Variants in CAMTA1 observed in about 807,000 individuals in gnomAD.
CAMTA1 encodes calmodulin-binding transcription activator 1.
Under a neutral mutation model 170.9 loss-of-function variants are expected in CAMTA1, and 27 were observed. The ratio of observed to expected loss-of-function variants is 0.16; its 90% CI spans 0.12 to 0.22. CAMTA1 has a LOEUF of 0.22. Ranked by LOEUF, CAMTA1 falls within the 10% of genes least tolerant of loss-of-function variation. The pLI, the probability that CAMTA1 is intolerant of heterozygous loss-of-function variation, is 1.00. For synonymous variants in CAMTA1, 833 were observed against 891.5 expected (o/e 0.93, Z 1.17); for missense variants, 1,619 against 2,217.2 (o/e 0.73, Z 5.42).
In CAMTA1 at chr1:7,633,890, G is replaced by A. The variant is rs2095689715; in HGVS notation, c.511-6510G>A. On this transcript the variant is annotated intron_variant, in intron 6 of 22. Transcript: ENST00000303635. The surrounding 1 kb of genome is among the most constrained non-coding windows in gnomAD (Gnocchi z 4.1). ...GTTGTCAACGGGGTTGCTGAATGAGGTTTCCACAAGAAAGTGACCTGGGAC... is the reference window on the plus strand; with the variant it reads ...GTTGTCAACGGGGTTGCTGAATGAGATTTCCACAAGAAAGTGACCTGGGAC... 6.6e-6 allele frequency among the ~76,000 whole-genome samples: 1 copy of A among 152,230 alleles called. No homozygotes were observed. Among genetic ancestry groups the A allele is most frequent in the African/African-American group, 2.4e-5 (1 of 41,464 alleles).
chr1:7,039,922 G>A (rs1704167709), intron 3 of CAMTA1, among the ~76,000 whole-genome samples: 1 of 151,714 alleles, frequency 6.6e-6, no homozygotes, highest in Non-Finnish European at 1.5e-5. Flanking sequence ...GCTTGGAGTT[G>A]GTTGGAGTCC....
intron 1 of CAMTA1, among the ~76,000 whole-genome samples, chr1:6,796,361 C>G (rs1351934797): frequency 6.6e-6 from 1 of 152,042 alleles, no homozygotes; most frequent in Non-Finnish European, 1.5e-5. Context: ...TGGTCTCCAA[C>G]TTGTGAATGC....
At chr1:6,872,538 CA>C (rs1668698907) in intron 3 of CAMTA1, among the ~76,000 whole-genome samples, 1 of 151,934 alleles carries the variant, frequency 6.6e-6, no homozygotes, top group African/African-American at 2.4e-5. Context: ...TTAACATGAC[CA>C]AAAAATGTAC....
At chr1:7,184,397 T>C (rs182353462) in intron 4 of CAMTA1, among the ~76,000 whole-genome samples, 1 of 152,212 alleles carries the variant, frequency 6.6e-6, no homozygotes, top group East Asian at 1.9e-4. Flanking sequence ...TAACAAAGGA[T>C]AAATGCTTGA....
intron 6 of CAMTA1, among the ~76,000 whole-genome samples, chr1:7,535,230 C>G (rs2150069868): frequency 6.6e-6 from 1 of 152,236 alleles, no homozygotes. Flanking sequence ...CAGCATGTGT[C>G]TTCTGAAGTC....
chr1:7,052,694 A>C (rs1706607710), intron 3 of CAMTA1, among the ~76,000 whole-genome samples: 2 of 152,010 alleles, frequency 1.3e-5, no homozygotes, highest in South Asian at 4.2e-4. Flanking sequence ...ACACCCGCCC[A>C]GTACCTGGTT....
intron 3 of CAMTA1, among the ~76,000 whole-genome samples, chr1:6,952,777 T>A (rs1434940959): frequency 2.0e-5 from 3 of 152,096 alleles, no homozygotes; most frequent in Non-Finnish European, 4.4e-5. Flanking sequence ...GAGGTAGCAG[T>A]GAGCCGAGAT....
At position 6,862,938 on chromosome 1, in the gene CAMTA1, A is replaced by C. The variant is rs191267061; in HGVS notation, c.234+37728A>C. ...AAAAAGATAACTATTTTCTTCGGGA[A>C]AAAAGGTGACAAGAATATAAATCAT... On this transcript the variant is annotated intron_variant, in intron 3 of 22. Transcript: ENST00000303635. 1.9e-3 allele frequency among the ~76,000 whole-genome samples: 297 copies of C among 152,356 alleles called. 1 individual carries two copies. The highest frequency in any genetic ancestry group is 6.9e-3 in the African/African-American group (286 of 41,582).
intron 6 of CAMTA1, among the ~76,000 whole-genome samples, chr1:7,610,367 GGCACTGAACTT>G (rs1050005034): frequency 3.9e-5 from 6 of 152,158 alleles, no homozygotes; most frequent in South Asian, 2.1e-4. Flanking sequence ...CATTGTGCTT[GGCACTGAACTT>G]GCACTTAATA....
intron 3 of CAMTA1, among the ~76,000 whole-genome samples, chr1:6,972,874 G>A (rs1692782700): frequency 6.6e-6 from 1 of 151,458 alleles, no homozygotes; most frequent in African/African-American, 2.4e-5. Flanking sequence ...TTTTTGAGAC[G>A]GAGTGTTGCT....
chr1:6,979,999 C>T (rs1694156712), intron 3 of CAMTA1, among the ~76,000 whole-genome samples: 1 of 152,166 alleles, frequency 6.6e-6, no homozygotes. Flanking sequence ...AAAAACGCAC[C>T]CCCATCCCAC....
intron 6 of CAMTA1, among the ~76,000 whole-genome samples, chr1:7,574,898 C>G (rs1226366793): frequency 6.6e-6 from 1 of 152,222 alleles, no homozygotes; most frequent in Admixed American, 6.5e-5. Context: ...CGTGCCCCAA[C>G]CCCAGCCCAG....
chr1:7,518,690 C>A (rs2094320759), intron 6 of CAMTA1, among the ~76,000 whole-genome samples: 1 of 151,992 alleles, frequency 6.6e-6, no homozygotes, highest in Non-Finnish European at 1.5e-5. Context: ...GCATGTCTTA[C>A]AGCTCCACTT....
At chr1:7,004,597 G>T (rs576928251) in intron 3 of CAMTA1, among the ~76,000 whole-genome samples, 1 of 152,190 alleles carries the variant, frequency 6.6e-6, no homozygotes, top group African/African-American at 2.4e-5. Flanking sequence ...GAAATATGCC[G>T]ATCCATGAAT....
In CAMTA1 at chr1:7,578,531, G is replaced by A. The variant is rs193215454; in HGVS notation, c.511-61869G>A. Among the ~76,000 whole-genome samples the A allele has an allele frequency of 1.2e-4, 19 of 152,344 alleles. 1 individual carries two copies. In the East Asian group the frequency reaches 3.5e-3, roughly 28 times the overall value. On this transcript the variant is annotated intron_variant, in intron 6 of 22. Transcript: ENST00000303635. ...CTCCGCCCCTACCGACAGGGTCGCC[G>A]GAAAGGACACGTGCATCCAAGCGGC...
intron 4 of CAMTA1, among the ~76,000 whole-genome samples, chr1:7,204,978 C>T (rs1349280231): frequency 6.6e-6 from 1 of 151,230 alleles, no homozygotes; most frequent in Admixed American, 6.6e-5. Context: ...TACAGGTGCC[C>T]GGACCACGCC....
chr1:7,426,905 G>C lies in CAMTA1; in HGVS notation c.439-40925G>C, dbSNP rs2091898862. Among the ~76,000 whole-genome samples the C allele has an allele frequency of 6.6e-6, 1 of 152,194 alleles. No individual in the cohort carries two copies. Among genetic ancestry groups the C allele is most frequent in the Non-Finnish European group, 1.5e-5 (1 of 68,026 alleles). ...GAAATTTGGTCCTTAAATCTGGCCT[G>C]TGTTTTTAGTAATTTATCAGGCCAC... On this transcript the variant is annotated intron_variant, in intron 5 of 22. Transcript: ENST00000303635. The surrounding 1 kb of genome is among the most constrained non-coding windows in gnomAD (Gnocchi z 4.8).
chr1:7,351,664 G>A (rs189064210), intron 5 of CAMTA1, among the ~76,000 whole-genome samples: 5 of 152,286 alleles, frequency 3.3e-5, no homozygotes, highest in East Asian at 1.9e-4. Flanking sequence ...ATTTTCTGTC[G>A]AGGGCATCGT....
At chr1:7,011,818 T>C (rs1456066687) in intron 3 of CAMTA1, among the ~76,000 whole-genome samples, 1 of 152,182 alleles carries the variant, frequency 6.6e-6, no homozygotes, top group East Asian at 1.9e-4. Flanking sequence ...AGCCGCTCAT[T>C]AATATATGCT....
Sources: allele counts gnomAD v4.1 joint callset (sites outside exome capture counted in the v4.1 genomes callset), GRCh38; gene constraint gnomAD v4.1.1; non-coding constraint Gnocchi (gnomAD v3.1); transcripts MANE v1.5; gene names NCBI Gene and HGNC (gene_info 2026-07-23, HGNC 2026-07-21).